RIN2: variants seen among roughly 807,000 people sequenced by gnomAD.
The protein encoded by RIN2 is Ras and Rab interactor 2.
RIN2 carries 36 observed loss-of-function variants against 78.0 expected under a neutral mutation model. That is an observed-to-expected ratio of 0.46 (90% CI 0.35 to 0.61). RIN2 has a LOEUF of 0.61. Ranked by LOEUF, RIN2 falls within the 20% of genes least tolerant of loss-of-function variation. The pLI is 0.00. For synonymous variants in RIN2, 466 were observed against 466.8 expected (o/e 1.00, Z 0.02); for missense variants, 1,087 against 1,159.7 (o/e 0.94, Z 0.91).
intron 1 of RIN2, among the ~76,000 whole-genome samples, chr20:19,778,473 A>G (rs1163760656): frequency 1.3e-5 from 2 of 152,160 alleles, no homozygotes; most frequent in Non-Finnish European, 2.9e-5. Flanking sequence ...GAATGCCTTG[A>G]TCCCCACTTT....
intron 4 of RIN2, among the ~76,000 whole-genome samples, chr20:19,947,016 C>T (rs565970258): frequency 2.8e-5 from 4 of 140,650 alleles, no homozygotes; most frequent in Non-Finnish European, 6.1e-5. Flanking sequence ...GGGTGTCAGA[C>T]TGTCTTAAAA....
In RIN2 at chr20:19,975,385, G is replaced by A; in HGVS notation, c.1360G>A (p.Glu454Lys). The change falls in exon 9 of 13, where the codon GAG becomes AAG. Residue 454 changes from glutamate (E) to lysine (K), a missense_variant. This residue lies in a region of RIN2 where 706 missense variants were observed against 667.5 expected (regional missense o/e 1.06). Coordinates refer to ENST00000255006, the MANE Select transcript of RIN2 (RefSeq NM_018993.4). This position sits in a 1 kb window ranked among gnomAD's most constrained non-coding sequence, Gnocchi z 4.9. ...CCGGAGCATGCCTCTGTTTGGCTACGAGGCGGACACCAACAGCAGCCTGGA... is the reference window on the plus strand; with the variant it reads ...CCGGAGCATGCCTCTGTTTGGCTACAAGGCGGACACCAACAGCAGCCTGGA... Reference protein sequence around the residue: ...FDRSMPLFGYEADTNSSLEDY... With the variant: ...FDRSMPLFGYKADTNSSLEDY... 6.2e-7 allele frequency: 1 copy of A among 1,614,044 alleles called. No homozygotes were observed.
At chr20:19,958,186 T>C (rs1441304375) in intron 5 of RIN2, among the ~76,000 whole-genome samples, 3 of 152,236 alleles carry the variant, frequency 2.0e-5, no homozygotes, top group African/African-American at 4.8e-5. Context: ...TGCTAGAACA[T>C]GCTCAGGGGA....
At chr20:19,925,232 C>T (rs1033284085) in intron 3 of RIN2, among the ~76,000 whole-genome samples, 1 of 152,296 alleles carries the variant, frequency 6.6e-6, no homozygotes, top group Non-Finnish European at 1.5e-5. Flanking sequence ...TGTAGTTGTT[C>T]CTTGCTCTCT....
intron 2 of RIN2, among the ~76,000 whole-genome samples, chr20:19,851,872 A>C (rs1485332911): frequency 6.6e-6 from 1 of 152,176 alleles, no homozygotes; most frequent in African/African-American, 2.4e-5. Context: ...AGAGGTATAC[A>C]ACAACAAGCA....
intron 2 of RIN2, among the ~76,000 whole-genome samples, chr20:19,856,863 C>T (rs2037187412): frequency 6.6e-6 from 1 of 152,014 alleles, no homozygotes; most frequent in African/African-American, 2.4e-5. Flanking sequence ...GCAACGTGGC[C>T]AGTAGTAAAG....
Position 19,890,032 on chromosome 20 carries a change from T to C in RIN2, c.57+374T>C, listed in dbSNP as rs557698631. On this transcript the variant is annotated intron_variant, in intron 3 of 12. Transcript: ENST00000255006. ...ATGTGTTCTCTCCTTGGCTTGTTTG[T>C]ATGAATCACTGAAGGGCTCCAAAAC... Among the ~76,000 whole-genome samples, 17 of 151,528 alleles carry C rather than the reference T, an allele frequency of 1.1e-4. No individual in the cohort carries two copies. In the East Asian group the frequency reaches 2.9e-3, roughly 26 times the overall value.
At chr20:19,775,421 T>C (rs1332091150) in intron 1 of RIN2, among the ~76,000 whole-genome samples, 1 of 152,198 alleles carries the variant, frequency 6.6e-6, no homozygotes, top group African/African-American at 2.4e-5. Context: ...AGCATCTGGC[T>C]CCCTCAACTG....
At chr20:19,875,584 A>G (rs1355411325) in intron 2 of RIN2, among the ~76,000 whole-genome samples, 2 of 152,204 alleles carry the variant, frequency 1.3e-5, no homozygotes, top group Admixed American at 1.3e-4. Context: ...ATAGTGAGCT[A>G]TGATTGTGCC....
rs751765465 is a variant in RIN2 at position 19,974,727 on chromosome 20, T to A, written c.702T>A (p.Gly234=). Residue 234 remains glycine, a synonymous_variant, in exon 9 of 13, where the codon GGT becomes GGA. Transcript: ENST00000255006. The part of the protein sequence containing the change: ...PPPHRPLSSD[G]VCPASLRQLC... ...CCCATAGGCCTCTTTCCTCCGACGG[T>A]GTCTGTCCTGCCTCCCTGCGTCAGC... 1 of 1,614,002 alleles carries A rather than the reference T, an allele frequency of 6.2e-7. No homozygotes were observed. Among genetic ancestry groups the A allele is most frequent in the Non-Finnish European group, 8.5e-7 (1 of 1,179,886 alleles).
chr20:19,936,642 G>A (rs1370415574), intron 4 of RIN2, among the ~76,000 whole-genome samples: 1 of 152,162 alleles, frequency 6.6e-6, no homozygotes, highest in Non-Finnish European at 1.5e-5. Context: ...AGGACGTTCT[G>A]AACATGTGAG....
chr20:19,807,265 G>A (rs541223908), intron 2 of RIN2, among the ~76,000 whole-genome samples: 68 of 152,364 alleles, frequency 4.5e-4, no homozygotes, highest in Middle Eastern at 3.4e-3. Context: ...TGCCTTTGCT[G>A]GAGGAGTTTC....
chr20:19,894,408 T>C (rs1157670705), intron 3 of RIN2, among the ~76,000 whole-genome samples: 1 of 152,172 alleles, frequency 6.6e-6, no homozygotes, highest in Non-Finnish European at 1.5e-5. Context: ...TTTTTTAAAT[T>C]TTTAAATAAC....
chr20:19,991,856 G>T (rs2042806842), intron 10 of RIN2, among the ~76,000 whole-genome samples: 1 of 152,186 alleles, frequency 6.6e-6, no homozygotes, highest in South Asian at 2.1e-4. Context: ...CTTGTTTGCT[G>T]AAAGTTAAAA....
intron 1 of RIN2, among the ~76,000 whole-genome samples, chr20:19,776,037 G>C (rs891534325): frequency 6.6e-6 from 1 of 152,218 alleles, no homozygotes; most frequent in African/African-American, 2.4e-5. Flanking sequence ...GTGCCCTAAA[G>C]TCAACCATTA....
intron 4 of RIN2, among the ~76,000 whole-genome samples, chr20:19,941,065 C>T (rs2040851795): frequency 6.6e-6 from 1 of 152,210 alleles, no homozygotes; most frequent in Non-Finnish European, 1.5e-5. Flanking sequence ...CTGTGAGATG[C>T]CTGCGGTCCC....
chr20:19,895,413 C>T (rs1268919059), intron 3 of RIN2, among the ~76,000 whole-genome samples: 1 of 152,194 alleles, frequency 6.6e-6, no homozygotes, highest in Non-Finnish European at 1.5e-5. Context: ...CCTGAGCAAG[C>T]CTGCCCTCCC....
intron 1 of RIN2, among the ~76,000 whole-genome samples, chr20:19,791,582 A>C (rs2034891626): frequency 6.6e-6 from 1 of 152,252 alleles, no homozygotes; most frequent in African/African-American, 2.4e-5. Flanking sequence ...TCAGTTGAGG[A>C]AAGTTAACTA....
chr20:19,788,851 C>T (rs562635048), intron 1 of RIN2, among the ~76,000 whole-genome samples: 7 of 152,150 alleles, frequency 4.6e-5, no homozygotes, highest in Non-Finnish European at 1.0e-4. Flanking sequence ...AAGTGATCTA[C>T]GGACTCATTA....
Sources: gnomAD v4.1 joint callset for allele counts (sites outside exome capture counted in the v4.1 genomes callset) on GRCh38, gnomAD v4.1.1 for gene constraint, gnomAD v4.1.1 regional missense constraint, Gnocchi (gnomAD v3.1) non-coding constraint, MANE v1.5 for transcripts, NCBI Gene and HGNC (gene_info 2026-07-23, HGNC 2026-07-21) for gene names.